The following LARGE1 variants were observed in gnomAD, a reference collection of about 807,000 sequenced individuals.
LARGE1 encodes the protein LARGE xylosyl- and glucuronyltransferase 1.
Under a neutral mutation model 87.6 loss-of-function variants are expected in LARGE1, and 43 were observed. The ratio of observed to expected loss-of-function variants is 0.49; its 90% CI spans 0.38 to 0.63. LARGE1 has a LOEUF of 0.63. Among genes scored for constraint, LARGE1 ranks in the 30% least tolerant of loss-of-function variants. LARGE1 has a pLI of 0.00. For missense variants in LARGE1, 802 were observed against 1,000.2 expected (o/e 0.80, Z 2.67); for synonymous variants, 434 against 394.6 (o/e 1.10, Z -1.18).
chr22:33,111,091 C>G, the LARGE1 span, among the ~76,000 whole-genome samples: 1 of 152,054 alleles, frequency 6.6e-6, no homozygotes, highest in African/African-American at 2.4e-5. Flanking sequence ...CCACTAGGCA[C>G]CAGTGACTTT....
intron 11 of LARGE1, among the ~76,000 whole-genome samples, chr22:33,183,601 A>AACACACACACACACGCACGC (rs1923289339): frequency 8.6e-5 from 9 of 104,208 alleles, no homozygotes; most frequent in African/African-American, 3.0e-4. Flanking sequence ...TGATGGATAA[A>AACACACACACACACGCACGC]ACACACACAC....
intron 6 of LARGE1, among the ~76,000 whole-genome samples, chr22:33,485,037 G>C (rs2069508375): frequency 6.7e-6 from 1 of 149,880 alleles, no homozygotes; most frequent in Admixed American, 6.7e-5. Context: ...TCAGCCTCCT[G>C]AGTAGCTGGG....
At chr22:33,878,582 T>C (rs868198314) in intron 1 of LARGE1, among the ~76,000 whole-genome samples, 1 of 152,236 alleles carries the variant, frequency 6.6e-6, no homozygotes, top group African/African-American at 2.4e-5. Context: ...ACTTCATGGA[T>C]GTAGAAACTA....
At chr22:33,336,795 C>G (rs980603141) in intron 10 of LARGE1, among the ~76,000 whole-genome samples, 6 of 152,106 alleles carry the variant, frequency 3.9e-5, no homozygotes, top group Non-Finnish European at 8.8e-5. Context: ...GGCGCGGTGG[C>G]TCACACCTGT....
intron 6 of LARGE1, among the ~76,000 whole-genome samples, chr22:33,501,206 G>A (rs1349854511): frequency 6.6e-6 from 1 of 152,230 alleles, no homozygotes; most frequent in African/African-American, 2.4e-5. Context: ...AGTAAGGGAC[G>A]AAGCTAATGT....
intron 11 of LARGE1, among the ~76,000 whole-genome samples, chr22:33,215,519 T>C (rs762612217): frequency 6.6e-6 from 1 of 152,258 alleles, no homozygotes; most frequent in Non-Finnish European, 1.5e-5. Flanking sequence ...AGTTTGTGAT[T>C]ATCTTTCCAC....
chr22:33,230,692 G>A (rs1452795970), intron 11 of LARGE1, among the ~76,000 whole-genome samples: 1 of 107,048 alleles, frequency 9.3e-6, no homozygotes, highest in African/African-American at 3.8e-5. Flanking sequence ...GGGCCTTAAT[G>A]GTGGACACAC....
chr22:33,183,603 C>A (rs965583864), intron 11 of LARGE1, among the ~76,000 whole-genome samples: 14 of 84,022 alleles, frequency 1.7e-4, no homozygotes, highest in African/African-American at 3.0e-4. Flanking sequence ...ATGGATAAAA[C>A]ACACACACAC....
intron 5 of LARGE1, among the ~76,000 whole-genome samples, chr22:33,571,434 C>A (rs538450049): frequency 1.3e-4 from 20 of 152,166 alleles, no homozygotes; most frequent in Non-Finnish European, 2.5e-4. Context: ...AGTGGACACA[C>A]CTCACCTCTA....
rs190034426 is a variant in LARGE1, at chr22:33,262,467, A to C, written c.1730+41762T>G. On this transcript the variant is annotated intron_variant, in intron 11 of 11. Coordinates refer to the LARGE1 transcript ENST00000608642. ...CTAGAGAGGGCCCCGGGTGCCTATC[A>C]GTGGCCCCAGACCATTGCTCTTCCT... 2.2e-3 allele frequency among the ~76,000 whole-genome samples: 337 copies of C among 152,276 alleles called. 1 individual carries two copies. Among genetic ancestry groups the C allele is most frequent in the African/African-American group, 7.8e-3 (324 of 41,548 alleles).
chr22:33,118,918 G>C, the LARGE1 span, among the ~76,000 whole-genome samples: 1 of 152,146 alleles, frequency 6.6e-6, no homozygotes, highest in Non-Finnish European at 1.5e-5. Flanking sequence ...ATTCTTGAAG[G>C]GCCTTTTGAA....
intron 5 of LARGE1, among the ~76,000 whole-genome samples, chr22:33,599,900 G>C (rs191617294): frequency 6.6e-6 from 1 of 152,242 alleles, no homozygotes; most frequent in African/African-American, 2.4e-5. Context: ...CTACTGGATG[G>C]TGTTTTAATG....
At chr22:33,070,451 A>G in the LARGE1 span, among the ~76,000 whole-genome samples, 2 of 152,096 alleles carry the variant, frequency 1.3e-5, no homozygotes, top group East Asian at 3.9e-4. Context: ...TGGTGGTGCT[A>G]CTGGCGTCTA....
At chr22:33,910,264 G>A (rs147823860) in intron 1 of LARGE1, among the ~76,000 whole-genome samples, 134 of 152,218 alleles carry the variant, frequency 8.8e-4, no homozygotes, top group Middle Eastern at 3.4e-3. Flanking sequence ...TAAGAGCTTC[G>A]CAAGGTGCTT....
intron 2 of LARGE1, among the ~76,000 whole-genome samples, chr22:33,708,385 A>G (rs1025708749): frequency 3.9e-5 from 6 of 152,138 alleles, no homozygotes; most frequent in Admixed American, 2.0e-4. Context: ...CCTCATACCC[A>G]GCCCAGCCAG....
intron 11 of LARGE1, among the ~76,000 whole-genome samples, chr22:33,226,267 A>C (rs1035519557): frequency 6.6e-6 from 1 of 152,218 alleles, no homozygotes; most frequent in African/African-American, 2.4e-5. Context: ...ATGTCTCTGC[A>C]TTGCCACCAG....
At chr22:33,499,283 T>C (rs1415283313) in intron 6 of LARGE1, among the ~76,000 whole-genome samples, 2 of 152,236 alleles carry the variant, frequency 1.3e-5, no homozygotes, top group Admixed American at 6.5e-5. Flanking sequence ...TCCTACTCTC[T>C]TCTCTCATTT....
rs1157214562 is a variant in LARGE1, at chr22:33,476,765, A to C, written c.788-44500T>G. ...CAAAAGGTGCTCTCCAAAGGTATAC[A>C]TTCATGACCAGATCATAAGCAAGGA... is the stretch of plus-strand genomic sequence containing the variant. On this transcript the variant is annotated intron_variant, in intron 6 of 14. Coordinates refer to ENST00000397394, the MANE Select transcript of LARGE1 (RefSeq NM_133642.5). 2.0e-5 allele frequency among the ~76,000 whole-genome samples: 3 copies of C among 152,120 alleles called. No homozygotes were observed. The East Asian group carries it at 5.8e-4, about 29-fold the overall frequency.
chr22:33,758,005 C>A (rs550750662), intron 2 of LARGE1, among the ~76,000 whole-genome samples: 3 of 152,250 alleles, frequency 2.0e-5, no homozygotes, highest in African/African-American at 7.2e-5. Flanking sequence ...GCTCAGCTCC[C>A]TCCCACGATA....
Sources: gnomAD v4.1 joint callset for allele counts (sites outside exome capture counted in the v4.1 genomes callset) on GRCh38, gnomAD v4.1.1 for gene constraint, MANE v1.5 for transcripts, NCBI Gene and HGNC (gene_info 2026-07-23, HGNC 2026-07-21) for gene names.